AP3S1: variants seen among roughly 807,000 people sequenced by gnomAD.
The protein encoded by AP3S1 is AP-3 complex subunit sigma-1.
AP3S1 carries 12 observed loss-of-function variants against 21.3 expected under a neutral mutation model. The observed-to-expected ratio is 0.56, with a 90% confidence interval of 0.36 to 0.91. The LOEUF is 0.91. Among genes scored for constraint, AP3S1 ranks in the 40% least tolerant of loss-of-function variants. AP3S1 has a pLI of 0.01. For synonymous variants in AP3S1, 48 were observed against 78.4 expected, an observed-to-expected ratio of 0.61 and a Z score of 2.05; for missense variants, 116 against 225.0, an observed-to-expected ratio of 0.52 and a Z score of 3.10.
At chr5:115,866,313 T>A (rs557381155) in intron 1 of AP3S1, among the ~76,000 whole-genome samples, 189 of 152,342 alleles carry the variant, frequency 1.2e-3, no homozygotes, top group African/African-American at 4.4e-3. Flanking sequence ...ATTTATATCT[T>A]TACCTTTCTG....
intron 1 of AP3S1, among the ~76,000 whole-genome samples, chr5:115,847,583 C>T (rs1009657583): frequency 2.0e-5 from 3 of 152,124 alleles, no homozygotes; most frequent in African/African-American, 4.8e-5. Context: ...TGCGCCATTG[C>T]GCTCCAGCCT....
intron 5 of AP3S1, among the ~76,000 whole-genome samples, chr5:115,905,594 T>A (rs1751581477): frequency 6.6e-6 from 1 of 152,242 alleles, no homozygotes; most frequent in African/African-American, 2.4e-5. Flanking sequence ...TTAGCCCTGA[T>A]CATCTTTTTA....
chr5:115,862,142 G>A (rs777636902), intron 1 of AP3S1, among the ~76,000 whole-genome samples: 2 of 151,738 alleles, frequency 1.3e-5, no homozygotes, highest in African/African-American at 2.4e-5. Context: ...TACAAACAGC[G>A]CTTTTATGAA....
rs143293540 is a variant in AP3S1 at position 115,869,763 on chromosome 5, A to G, written c.162-254A>G. ...CTTCCCCACTACCAGTGCTTGGCAC[A>G]TAGTAGTTACTCAGAGAATAGTTTA... On this transcript the variant is annotated intron_variant, in intron 2 of 5. Coordinates refer to ENST00000316788, the MANE Select transcript of AP3S1 (RefSeq NM_001284.4). 5.1e-3 allele frequency among the ~76,000 whole-genome samples: 773 copies of G among 152,352 alleles called. 2 individuals carry two copies. Among genetic ancestry groups the G allele is most frequent in the South Asian group, 7.2e-3 (35 of 4,832 alleles).
At chr5:115,886,353 C>T (rs1749779800) in intron 3 of AP3S1, among the ~76,000 whole-genome samples, 1 of 152,054 alleles carries the variant, frequency 6.6e-6, no homozygotes, top group South Asian at 2.1e-4. Flanking sequence ...ATTCCACCTC[C>T]TCCACTTCTT....
At chr5:115,899,726 G>A (rs1031050093) in intron 4 of AP3S1, among the ~76,000 whole-genome samples, 3 of 152,136 alleles carry the variant, frequency 2.0e-5, no homozygotes, top group Non-Finnish European at 2.9e-5. Context: ...AAGATCAAGT[G>A]TAGGAAATAA....
intron 1 of AP3S1, among the ~76,000 whole-genome samples, chr5:115,848,052 A>T (rs1762183948): frequency 6.6e-6 from 1 of 152,074 alleles, no homozygotes; most frequent in Non-Finnish European, 1.5e-5. Context: ...AGTTAAAATG[A>T]TTTTTGGTTA....
At chr5:115,863,619 T>C (rs1380489768) in intron 1 of AP3S1, among the ~76,000 whole-genome samples, 3 of 152,094 alleles carry the variant, frequency 2.0e-5, no homozygotes, top group Non-Finnish European at 4.4e-5. Context: ...GCTATAGCTA[T>C]GCCAGTGTGT....
At chr5:115,859,192 T>G (rs1762996559) in intron 1 of AP3S1, among the ~76,000 whole-genome samples, 1 of 152,232 alleles carries the variant, frequency 6.6e-6, no homozygotes, top group African/African-American at 2.4e-5. Context: ...CTAGGCAGTT[T>G]AGGTAGTGTA....
intron 1 of AP3S1, among the ~76,000 whole-genome samples, chr5:115,847,939 C>A (rs1179937981): frequency 6.6e-6 from 1 of 152,082 alleles, no homozygotes; most frequent in African/African-American, 2.4e-5. Context: ...AATGCTTATA[C>A]GTTCACAGTT....
At chr5:115,890,726 TAAGTTA>T (rs1289370443) in intron 3 of AP3S1, among the ~76,000 whole-genome samples, 16 of 152,396 alleles carry the variant, frequency 1.0e-4, no homozygotes, top group Admixed American at 1.0e-3. Flanking sequence ...AAATGATTTC[TAAGTTA>T]AAGACTATTT....
chr5:115,862,556 A>G (rs987387196), intron 1 of AP3S1, among the ~76,000 whole-genome samples: 1 of 152,198 alleles, frequency 6.6e-6, no homozygotes, highest in African/African-American at 2.4e-5. Flanking sequence ...TTAAATTATA[A>G]CTGTATAAAA....
chr5:115,905,813 ATCT>A (rs1751598451), intron 5 of AP3S1, among the ~76,000 whole-genome samples: 1 of 152,204 alleles, frequency 6.6e-6, no homozygotes, highest in Non-Finnish European at 1.5e-5. Context: ...ACTTTTCCTA[ATCT>A]TCTTACTAAA....
rs12517999 is a variant in AP3S1 at position 115,843,995 on chromosome 5, T to C, written c.69+1889T>C. Among the ~76,000 whole-genome samples the C allele has an allele frequency of 9.7e-3, 1,472 of 152,306 alleles. 64 individuals are homozygous for C. Among genetic ancestry groups the C allele is most frequent in the Admixed American group, 0.073 (1,118 of 15,306 alleles). On this transcript the variant is annotated intron_variant, in intron 1 of 5. Coordinates refer to ENST00000316788, the MANE Select transcript of AP3S1 (RefSeq NM_001284.4). ...ACTGAGGGCACAGAGCTAGAAGATA[T>C]AAAAAGAAGAATCTGGTGGTCACTG...
Position 115,906,980 on chromosome 5 carries a change from C to T in AP3S1, c.453+3988C>T, listed in dbSNP as rs1005973959. The T allele has an allele frequency of 3.2e-6, 4 of 1,263,936 alleles. No individual in the cohort carries two copies. In the African/African-American group the frequency reaches 4.6e-5, roughly 14 times the overall value. The allele number at this position is 1,263,936 out of a possible 1,614,324, so 78.3% of individuals were successfully genotyped here. On this transcript the variant is annotated intron_variant, in intron 5 of 5. Coordinates refer to ENST00000316788, the MANE Select transcript of AP3S1 (RefSeq NM_001284.4). ...TTGTGTTAATAAACCCATATAGTCC[C>T]TGTAGCCTATTTTCCATTCTAGTTT... is the stretch of plus-strand genomic sequence containing the variant.
At chr5:115,876,478 G>A (rs983184411) in intron 3 of AP3S1, among the ~76,000 whole-genome samples, 1 of 152,088 alleles carries the variant, frequency 6.6e-6, no homozygotes, top group African/African-American at 2.4e-5. Context: ...TTTCAGGAAG[G>A]AATTGGACAT....
chr5:115,842,206 G>A (rs952722495), intron 1 of AP3S1, 100 bp downstream of exon 1: 23 of 1,456,046 alleles, frequency 1.6e-5, no homozygotes, highest in Admixed American at 2.4e-5. Context: ...GGCGCGCTGC[G>A]GCCCTTGTCC....
chr5:115,875,287 A>G (rs958789120), intron 3 of AP3S1, among the ~76,000 whole-genome samples: 2 of 152,182 alleles, frequency 1.3e-5, no homozygotes, highest in African/African-American at 2.4e-5. Context: ...TTTATAAGCC[A>G]AGAATACTTA....
chr5:115,870,127 A>G lies in AP3S1; in HGVS notation c.272A>G (p.Gln91Arg). The G allele has an allele frequency of 6.3e-7, 1 of 1,577,256 alleles. No homozygotes were observed. Among genetic ancestry groups the G allele is most frequent in the Non-Finnish European group, 8.7e-7 (1 of 1,151,994 alleles). ...ESELGILDLI[Q>R]VFVETLDKCF... is the part of the protein sequence containing the mutation. ...GAACTTGGCATTTTAGATCTAATTCAAGTAAGTTAACACTTGCTTCTTACT... is the reference window on the plus strand; with the variant it reads ...GAACTTGGCATTTTAGATCTAATTCGAGTAAGTTAACACTTGCTTCTTACT... The change falls in exon 3 of 6, where the codon CAA (glutamine) becomes CGA (arginine). Residue 91 changes from glutamine (Q) to arginine (R), a missense_variant and splice_region_variant. Transcript: ENST00000316788.
Sources: allele counts gnomAD v4.1 joint callset (sites outside exome capture counted in the v4.1 genomes callset), GRCh38; gene constraint gnomAD v4.1.1; transcripts MANE v1.5; gene names NCBI Gene and HGNC (gene_info 2026-07-23, HGNC 2026-07-21).